The following RELN variants were observed in gnomAD, a reference collection of about 807,000 sequenced individuals.
RELN encodes the protein reelin.
A neutral mutation model predicts 427.6 loss-of-function variants in RELN; 108 were observed. That is an observed-to-expected ratio of 0.25 (90% confidence interval 0.22 to 0.30). The LOEUF is 0.30. RELN is among the 10% of genes least tolerant of loss of function. RELN has a pLI of 1.00. For missense variants in RELN, 3,715 were observed against 4,302.8 expected (o/e 0.86, Z 3.82); for synonymous variants, 1,524 against 1,513.4 (o/e 1.01, Z -0.16).
At chr7:103,944,170 T>C (rs1405580205) in intron 1 of RELN, among the ~76,000 whole-genome samples, 1 of 152,154 alleles carries the variant, frequency 6.6e-6, no homozygotes, top group East Asian at 1.9e-4. Context: ...ATAGTAGTGG[T>C]AGCAGTAATT....
intron 11 of RELN, among the ~76,000 whole-genome samples, chr7:103,666,160 G>C (rs1371079388): frequency 4.0e-5 from 6 of 151,868 alleles, no homozygotes; most frequent in Non-Finnish European, 1.5e-5. Context: ...AACGTCTTGG[G>C]CTCAAGCGAA....
At position 103,909,764 on chromosome 7, in the gene RELN, ATATTT is replaced by A. The variant is rs1795313326; in HGVS notation, c.337+7306_337+7310del. ...ATATAAATATATATATTAAATATAT[ATATTT>A]AATATATATAAATATATATATTAAA... On this transcript the variant is annotated intron_variant, in intron 2 of 64. Transcript: ENST00000428762. Among the ~76,000 whole-genome samples the A allele has an allele frequency of 2.1e-5, 2 of 97,534 alleles. 1 individual carries two copies. Among genetic ancestry groups the A allele is most frequent in the South Asian group, 6.2e-4 (2 of 3,240 alleles). The allele number at this position is 97,534 out of a possible 152,430, so 64.0% of individuals were successfully genotyped here.
At chr7:103,514,701 A>G (rs1041482834) in intron 50 of RELN, among the ~76,000 whole-genome samples, 2 of 152,154 alleles carry the variant, frequency 1.3e-5, no homozygotes, top group African/African-American at 4.8e-5. Flanking sequence ...TGCTTCACCA[A>G]TATCATTGAA....
chr7:103,800,688 A>C (rs1402703803), intron 3 of RELN, among the ~76,000 whole-genome samples: 4 of 152,240 alleles, frequency 2.6e-5, no homozygotes, highest in Non-Finnish European at 5.9e-5. Flanking sequence ...TTCATGTCTA[A>C]AACACCAAAA....
At position 103,563,078 on chromosome 7, in the gene RELN, C is replaced by T. The variant is rs757423123; in HGVS notation, c.5211-1125G>A. Among the ~76,000 whole-genome samples the T allele has an allele frequency of 1.2e-4, 19 of 152,180 alleles. No homozygotes were observed. The highest frequency in any genetic ancestry group is 2.4e-4 in the Non-Finnish European group (16 of 68,030). On this transcript the variant is annotated intron_variant, in intron 34 of 64. Coordinates refer to ENST00000428762, the MANE Select transcript of RELN (RefSeq NM_005045.4). This position sits in a 1 kb window ranked among gnomAD's most constrained non-coding sequence, Gnocchi z 4.1. ...TCAGAGTCAGCTGAGACATCAACTC[C>T]TTCAGAAAGCTCCCTCCAGTTCTCC...
Position 103,836,630 on chromosome 7 carries a change from C to T in RELN, c.338-2958G>A, listed in dbSNP as rs140042298. ...AAATGCCAAATGAACCCTCCTCTAT[C>T]TTCCTGCAAGCTGTACCCTCTACCT... On this transcript the variant is annotated intron_variant, in intron 2 of 64. Transcript: ENST00000428762. Among the ~76,000 whole-genome samples, 31 of 152,286 alleles carry T rather than the reference C, an allele frequency of 2.0e-4. No individual in the cohort carries two copies. The East Asian group carries it at 5.6e-3, about 28-fold the overall frequency.
At chr7:103,986,629 TAAAAAAAA>T (rs34403864) in intron 1 of RELN, among the ~76,000 whole-genome samples, 1 of 102,334 alleles carries the variant, frequency 9.8e-6, no homozygotes, top group African/African-American at 3.6e-5. Context: ...TTCTTTTAGG[TAAAAAAAA>T]AAAAAAAAAA....
chr7:103,925,875 A>G (rs1795720200), intron 1 of RELN, among the ~76,000 whole-genome samples: 1 of 152,158 alleles, frequency 6.6e-6, no homozygotes, highest in South Asian at 2.1e-4. Context: ...ACGGATGCCT[A>G]GAGAACAAAT....
intron 1 of RELN, among the ~76,000 whole-genome samples, chr7:103,917,702 T>A (rs571129633): frequency 6.6e-6 from 1 of 152,216 alleles, no homozygotes; most frequent in East Asian, 1.9e-4. Flanking sequence ...CTAATTTGCA[T>A]GAAGACAGCC....
At chr7:103,829,391 T>C (rs1291385367) in intron 3 of RELN, among the ~76,000 whole-genome samples, 6 of 151,712 alleles carry the variant, frequency 4.0e-5, no homozygotes, top group Non-Finnish European at 7.4e-5. Flanking sequence ...GGGATTTATA[T>C]CCAAGAAATT....
intron 8 of RELN, among the ~76,000 whole-genome samples, chr7:103,702,753 T>C (rs539866100): frequency 1.2e-4 from 19 of 152,320 alleles, no homozygotes; most frequent in African/African-American, 4.3e-4. Flanking sequence ...CAAGGGACCC[T>C]CACTGGCTCT....
chr7:103,536,498 T>C (rs1830055195), intron 45 of RELN, among the ~76,000 whole-genome samples: 1 of 152,068 alleles, frequency 6.6e-6, no homozygotes, highest in African/African-American at 2.4e-5. Context: ...TTTTGGGGCA[T>C]GGCCAAGGCG....
chr7:103,520,954 G>GTTGT (rs1462369530), intron 48 of RELN, among the ~76,000 whole-genome samples: 1 of 78,190 alleles, frequency 1.3e-5, no homozygotes, highest in East Asian at 4.6e-4. Flanking sequence ...CAGTAAATTT[G>GTTGT]TTATTTTTTT....
At chr7:103,905,920 G>GT (rs1225713348) in intron 2 of RELN, among the ~76,000 whole-genome samples, 1 of 152,128 alleles carries the variant, frequency 6.6e-6, no homozygotes, top group Non-Finnish European at 1.5e-5. Flanking sequence ...GAGGAGGTAA[G>GT]TATGGAAGGG....
At chr7:103,538,517 G>C (rs1186743557) in intron 45 of RELN, among the ~76,000 whole-genome samples, 2 of 152,082 alleles carry the variant, frequency 1.3e-5, no homozygotes, top group Non-Finnish European at 2.9e-5. Flanking sequence ...TCACAATGAG[G>C]GTGGCCTGGA....
intron 46 of RELN, among the ~76,000 whole-genome samples, chr7:103,527,122 T>G (rs947677187): frequency 9.2e-5 from 14 of 152,176 alleles, no homozygotes; most frequent in African/African-American, 3.4e-4. Context: ...CTACACTACC[T>G]CCGCACCTTT....
intron 28 of RELN, among the ~76,000 whole-genome samples, chr7:103,587,015 A>G (rs546448837): frequency 1.3e-5 from 2 of 152,336 alleles, no homozygotes; most frequent in South Asian, 4.1e-4. Context: ...CATTTTTCAC[A>G]GAATTGGAAA....
At chr7:103,565,140 C>A (rs1419662885) in intron 34 of RELN, 138 bp downstream of exon 34, 1 of 1,120,166 alleles carries the variant, frequency 8.9e-7, no homozygotes, top group Non-Finnish European at 1.3e-6. Context: ...AAGCACCTTG[C>A]ACTTTTTTTT....
intron 4 of RELN, among the ~76,000 whole-genome samples, chr7:103,759,482 G>A (rs1462025266): frequency 6.6e-6 from 1 of 152,096 alleles, no homozygotes; most frequent in Non-Finnish European, 1.5e-5. Flanking sequence ...GCATACTGAT[G>A]CTTTTTTGAA....
Sources: allele counts gnomAD v4.1 joint callset (sites outside exome capture counted in the v4.1 genomes callset), GRCh38; gene constraint gnomAD v4.1.1; non-coding constraint Gnocchi (gnomAD v3.1); transcripts MANE v1.5; gene names NCBI Gene and HGNC (gene_info 2026-07-23, HGNC 2026-07-21).